PAWR: variants seen among roughly 807,000 people sequenced by gnomAD.
The protein encoded by PAWR is PRKC apoptosis WT1 regulator protein.
A neutral mutation model predicts 32.0 loss-of-function variants in PAWR; 23 were observed. That is an observed-to-expected ratio of 0.72 (90% CI 0.52 to 1.02). The LOEUF is 1.02. Among genes scored for constraint, PAWR ranks in the 50% least tolerant of loss-of-function variants. The probability of loss-of-function intolerance (pLI) is 0.00; values close to 1 mark genes in which losing one functional copy is unlikely to be tolerated. For missense variants in PAWR, 457 were observed against 437.7 expected (o/e 1.04, Z -0.39); for synonymous variants, 226 against 187.1 (o/e 1.21, Z -1.70).
At chr12:79,672,535 A>G (rs924797343) in intron 2 of PAWR, among the ~76,000 whole-genome samples, 6 of 152,102 alleles carry the variant, frequency 3.9e-5, no homozygotes, top group African/African-American at 1.4e-4. Context: ...TCAACTAAAT[A>G]CCTTGCTCCA....
rs563795345 is a variant in PAWR, at chr12:79,625,568, T to C, written c.517-4361A>G. Among the ~76,000 whole-genome samples the C allele has an allele frequency of 3.4e-4, 52 of 152,230 alleles. 2 individuals are homozygous for C. In the Middle Eastern group the frequency reaches 0.017, roughly 50 times the overall value. ...CGGGCGTGGTGGCTCACGCCTGTAA[T>C]CCCAGCACTTTGGGAGGCCAAGGCG... On this transcript the variant is annotated intron_variant, in intron 2 of 6. Coordinates refer to ENST00000328827, the MANE Select transcript of PAWR (RefSeq NM_002583.4).
intron 1 of PAWR, 176 bp from the exon 2 acceptor site, chr12:79,690,567 A>AC (rs1174419803): frequency 8.0e-6 from 2 of 250,810 alleles, no homozygotes; most frequent in Non-Finnish European, 1.5e-5. Context: ...TACAGTACGG[A>AC]CCCCGACGAT....
At chr12:79,668,529 A>T (rs1022751058) in intron 2 of PAWR, 2 of 152,110 alleles carry the variant, frequency 1.3e-5, no homozygotes, top group Admixed American at 1.3e-4. Flanking sequence ...GACCAGGGGG[A>T]TAATGGGGAG....
chr12:79,656,002 T>C (rs1049666069), intron 2 of PAWR, among the ~76,000 whole-genome samples: 5 of 152,164 alleles, frequency 3.3e-5, no homozygotes, highest in African/African-American at 1.2e-4. Context: ...TAAGCAAATG[T>C]GGGATAGAAC....
intron 2 of PAWR, among the ~76,000 whole-genome samples, chr12:79,641,214 C>T (rs184666781): frequency 6.6e-6 from 1 of 152,198 alleles, no homozygotes; most frequent in Admixed American, 6.5e-5. Context: ...GGAACAATAA[C>T]AATAGCAGCT....
At chr12:79,668,952 A>G (rs981119836) in intron 2 of PAWR, among the ~76,000 whole-genome samples, 1 of 152,254 alleles carries the variant, frequency 6.6e-6, no homozygotes, top group Non-Finnish European at 1.5e-5. Context: ...ATTTACACAC[A>G]TGCACTTCCA....
At chr12:79,682,820 T>C (rs1878506548) in intron 2 of PAWR, among the ~76,000 whole-genome samples, 1 of 152,198 alleles carries the variant, frequency 6.6e-6, no homozygotes, top group Non-Finnish European at 1.5e-5. Flanking sequence ...ATGTTCAAAA[T>C]CAATTGCCAG....
rs1265104378 is a variant in PAWR at position 79,625,775 on chromosome 12, A to G, written c.517-4568T>C. Among the ~76,000 whole-genome samples, 6 of 148,892 alleles carry G rather than the reference A, an allele frequency of 4.0e-5. No individual in the cohort carries two copies. The East Asian group carries it at 6.2e-4, about 15-fold the overall frequency. Reference sequence around the variant, plus strand: ...GCAGAGCTTGCAGTGAGCCGAGATCACGCCACTGCACTCCAGCCTGGGCGA... The same window carrying G: ...GCAGAGCTTGCAGTGAGCCGAGATCGCGCCACTGCACTCCAGCCTGGGCGA... On this transcript the variant is annotated intron_variant, in intron 2 of 6. Transcript: ENST00000328827.
At chr12:79,606,744 C>T (rs1874201439) in intron 4 of PAWR, among the ~76,000 whole-genome samples, 1 of 152,122 alleles carries the variant, frequency 6.6e-6, no homozygotes, top group African/African-American at 2.4e-5. Flanking sequence ...ACATTACTAC[C>T]ATGAGGTAAT....
intron 3 of PAWR, among the ~76,000 whole-genome samples, chr12:79,618,631 C>T (rs926215141): frequency 6.6e-6 from 1 of 152,166 alleles, no homozygotes; most frequent in African/African-American, 2.4e-5. Flanking sequence ...CTCTCTACTT[C>T]TATGAGTTTG....
chr12:79,605,835 A>G (rs909619408), intron 4 of PAWR, among the ~76,000 whole-genome samples: 1 of 152,180 alleles, frequency 6.6e-6, no homozygotes, highest in Admixed American at 6.5e-5. Flanking sequence ...GCACTTTGGG[A>G]GGCCAAGGCA....
intron 4 of PAWR, among the ~76,000 whole-genome samples, chr12:79,607,745 AT>A (rs200376397): frequency 0.19 from 26,641 of 136,898 alleles, 2,895 homozygotes; most frequent in Non-Finnish European, 0.25. Context: ...AAAAAAAAAA[AT>A]AATAATAATA....
intron 4 of PAWR, among the ~76,000 whole-genome samples, chr12:79,608,838 A>C (rs1874313256): frequency 6.6e-6 from 1 of 152,298 alleles, no homozygotes; most frequent in East Asian, 1.9e-4. Context: ...TGAGATCAGG[A>C]GTTTGAGACC....
intron 2 of PAWR, among the ~76,000 whole-genome samples, chr12:79,651,692 C>CA (rs1336916952): frequency 1.5e-5 from 1 of 66,908 alleles, no homozygotes; most frequent in African/African-American, 3.8e-5. Flanking sequence ...CCTGGGCTCA[C>CA]AAAAAAATGG....
intron 4 of PAWR, among the ~76,000 whole-genome samples, chr12:79,607,886 C>A (rs1289697997): frequency 2.2e-4 from 33 of 151,772 alleles, no homozygotes; most frequent in Admixed American, 2.2e-3. Flanking sequence ...CCCGTCTCTA[C>A]CAAAAATACA....
chr12:79,678,687 T>C (rs564160349), intron 2 of PAWR, among the ~76,000 whole-genome samples: 45 of 152,238 alleles, frequency 3.0e-4, no homozygotes, highest in Non-Finnish European at 5.4e-4. Context: ...TATAAAGTTA[T>C]TATTTCTATT....
intron 3 of PAWR, among the ~76,000 whole-genome samples, chr12:79,618,913 A>G (rs1240492714): frequency 3.3e-5 from 5 of 152,142 alleles, no homozygotes; most frequent in African/African-American, 4.8e-5. Context: ...AGGGAAAAAA[A>G]AAATGAAGAA....
intron 3 of PAWR, among the ~76,000 whole-genome samples, chr12:79,619,534 T>C (rs1874901293): frequency 6.6e-6 from 1 of 152,220 alleles, no homozygotes; most frequent in African/African-American, 2.4e-5. Context: ...ATGTGCATAG[T>C]ATATATAGCG....
At chr12:79,626,987 C>T (rs1422436822) in intron 2 of PAWR, among the ~76,000 whole-genome samples, 2 of 152,092 alleles carry the variant, frequency 1.3e-5, no homozygotes, top group Non-Finnish European at 2.9e-5. Context: ...TCCAGTCTAT[C>T]GTTGTTGGAT....
Sources: allele counts gnomAD v4.1 joint callset (sites outside exome capture counted in the v4.1 genomes callset), GRCh38; gene constraint gnomAD v4.1.1; transcripts MANE v1.5; gene names NCBI Gene and HGNC (gene_info 2026-07-23, HGNC 2026-07-21).